Variants in PRPS1 observed in about 807,000 individuals in gnomAD.
PRPS1 encodes phosphoribosyl pyrophosphate synthetase 1.
In PRPS1, 1 loss-of-function variant was observed where a neutral mutation model predicts 16.9. That is an observed-to-expected ratio of 0.06 (90% CI 0.02 to 0.28). The LOEUF is 0.28. Ranked by LOEUF, PRPS1 falls within the 10% of genes least tolerant of loss-of-function variation. The pLI is 1.00. For missense variants in PRPS1, 47 were observed against 254.0 expected (o/e 0.19, Z 5.54); for synonymous variants, 70 against 90.2 (o/e 0.78, Z 1.27).
At chrX:107,635,998 C>T (rs1216736666) in intron 1 of PRPS1, among the ~76,000 whole-genome samples, 12 of 95,872 alleles carry the variant, frequency 1.3e-4, no homozygotes, top group Non-Finnish European at 1.8e-4. Flanking sequence ...AGGTGGAGGT[C>T]GCAGTGAGCC....
chrX:107,634,388 AT>A (rs1293955825), intron 1 of PRPS1, among the ~76,000 whole-genome samples: 251 of 93,136 alleles, frequency 2.7e-3, no homozygotes, highest in Middle Eastern at 5.1e-3. Context: ...CTAATGGCTA[AT>A]TTTTTTTTTT....
intron 1 of PRPS1, among the ~76,000 whole-genome samples, chrX:107,638,082 G>T (rs1925482014): frequency 9.2e-6 from 1 of 109,281 alleles, no homozygotes; most frequent in Non-Finnish European, 1.9e-5. Context: ...GGGACTACAG[G>T]TACCTGCCAC....
intron 6 of PRPS1, 77 bp downstream of exon 6, chrX:107,647,842 G>A: frequency 9.5e-7 from 1 of 1,047,305 alleles, no homozygotes; most frequent in Non-Finnish European, 1.3e-6. Context: ...TTAGGTCTCT[G>A]GATTCTGAAG....
In PRPS1 at chrX:107,648,150, C is replaced by G. The variant is rs186810161; in HGVS notation, c.864+385C>G. On this transcript the variant is annotated intron_variant, in intron 6 of 6. Transcript: ENST00000372435. ...GGCCCCTGTAGATATAATGTGAAAC[C>G]TTTAAACTGATTGTACACTTCTACC... 3.6e-5 allele frequency among the ~76,000 whole-genome samples: 4 copies of G among 111,699 alleles called. No individual in the cohort carries two copies. In the East Asian group the frequency reaches 1.1e-3, roughly 31 times the overall value.
chrX:107,641,758 A>C (rs1200796924), intron 3 of PRPS1, among the ~76,000 whole-genome samples: 1 of 112,269 alleles, frequency 8.9e-6, no homozygotes, highest in Non-Finnish European at 1.9e-5. Flanking sequence ...TATTTTTTCA[A>C]AGAGATTTTT....
At chrX:107,634,827 AG>A (rs1342220404) in intron 1 of PRPS1, among the ~76,000 whole-genome samples, 3 of 101,115 alleles carry the variant, frequency 3.0e-5, no homozygotes, top group Admixed American at 1.1e-4. Flanking sequence ...ATAATGATAA[AG>A]TTTTTTGTTT....
At chrX:107,635,541 C>T (rs1405233652) in intron 1 of PRPS1, among the ~76,000 whole-genome samples, 1 of 109,292 alleles carries the variant, frequency 9.1e-6, no homozygotes, top group East Asian at 2.9e-4. Flanking sequence ...AAGCAATCCT[C>T]CCACCTCAGT....
intron 4 of PRPS1, among the ~76,000 whole-genome samples, chrX:107,644,214 T>C (rs183847951): frequency 2.7e-5 from 3 of 112,544 alleles, no homozygotes; most frequent in African/African-American, 9.7e-5. Context: ...TTCTCTTTGA[T>C]TGGAAGATAC....
At chrX:107,641,899 A>C (rs1281312135) in intron 3 of PRPS1, among the ~76,000 whole-genome samples, 4 of 112,473 alleles carry the variant, frequency 3.6e-5, no homozygotes, top group Non-Finnish European at 5.6e-5. Context: ...TAGAACACAG[A>C]TCTCCTGATT....
At chrX:107,639,505 C>T in intron 2 of PRPS1, 27 bp downstream of exon 2, 3 of 1,195,346 alleles carry the variant, frequency 2.5e-6, no homozygotes, top group Non-Finnish European at 3.4e-6. Flanking sequence ...ATTTTTTGAG[C>T]AGAGGAAGCA....
rs1925420097 is a variant in PRPS1, at chrX:107,635,757, G to A, written c.123-3538G>A. Among the ~76,000 whole-genome samples the A allele has an allele frequency of 2.7e-5, 3 of 110,537 alleles. No individual in the cohort carries two copies. In the Admixed American group the frequency reaches 2.9e-4, roughly 11 times the overall value. On this transcript the variant is annotated intron_variant, in intron 1 of 6. Transcript: ENST00000372435. ...AGCTTGAAATCTCTCGAAGGGCAGA[G>A]CTAGTAGTAAAGAAAGATCTGGGCC...
rs747701318 is a variant in PRPS1 at position 107,628,806 on chromosome X, A to G, written c.122+56A>G. On this transcript the variant is annotated intron_variant, in intron 1 of 6. Transcript: ENST00000372435. ...CTCACCTGCCCAGGCGGCAGAGTAT[A>G]GGAGGGATGGGGTCGCCGCTTGAGC... 2.5e-6 allele frequency: 3 copies of G among 1,204,863 alleles called. No individual in the cohort carries two copies. In the Admixed American group the frequency reaches 6.6e-5, roughly 27 times the overall value.
Position 107,628,763 on chromosome X carries a change from T to C in PRPS1, c.122+13T>C, listed in dbSNP as rs750791916. ...ACCAGGAGACCTGGTAAGGACCAAG[T>C]TGGGACCCTGACTAGACCTCACCTG... On this transcript the variant is annotated intron_variant, in intron 1 of 6. Coordinates refer to ENST00000372435, the MANE Select transcript of PRPS1 (RefSeq NM_002764.4). 6 of 1,211,101 alleles carry C rather than the reference T, an allele frequency of 5.0e-6. No individual in the cohort carries two copies. Among genetic ancestry groups the C allele is most frequent in the South Asian group, 1.8e-5 (1 of 56,927 alleles).
intron 1 of PRPS1, among the ~76,000 whole-genome samples, chrX:107,630,428 G>T (rs1236939932): frequency 8.9e-6 from 1 of 111,826 alleles, no homozygotes; most frequent in Non-Finnish European, 1.9e-5. Context: ...GAGAGGAGAG[G>T]GGGAGGACAA....
chrX:107,645,843 T>C (rs1345940655), intron 5 of PRPS1, among the ~76,000 whole-genome samples: 3 of 111,454 alleles, frequency 2.7e-5, no homozygotes, highest in Non-Finnish European at 5.6e-5. Flanking sequence ...TCATTATTAC[T>C]TCTTTTTTTC....
intron 2 of PRPS1, 90 bp from the exon 3 acceptor site, chrX:107,640,812 G>A (rs903223216): frequency 9.8e-7 from 1 of 1,018,360 alleles, no homozygotes. Context: ...CTTTAACATA[G>A]TAGGTACACA....
intron 6 of PRPS1, among the ~76,000 whole-genome samples, chrX:107,648,535 C>T (rs1314214259): frequency 9.3e-6 from 1 of 107,762 alleles, no homozygotes; most frequent in Non-Finnish European, 1.9e-5. Flanking sequence ...CATCCTGTCT[C>T]AGCCTCCCAA....
intron 1 of PRPS1, chrX:107,636,472 A>T (rs931026940): frequency 8.9e-6 from 1 of 112,707 alleles, no homozygotes; most frequent in Non-Finnish European, 1.9e-5. Context: ...TCTGGCTGCC[A>T]GGAATCTCAG....
chrX:107,629,203 A>G lies in PRPS1; in HGVS notation c.122+453A>G, dbSNP rs142874509. ...CTGGTCTTTCTTTTCCTAGAGTCCAATAAGCAGCTTTTTGATTCGAAATGG... is the reference window on the plus strand; with the variant it reads ...CTGGTCTTTCTTTTCCTAGAGTCCAGTAAGCAGCTTTTTGATTCGAAATGG... On this transcript the variant is annotated intron_variant, in intron 1 of 6. Transcript: ENST00000372435. Among the ~76,000 whole-genome samples the G allele has an allele frequency of 9.1e-3, 1,014 of 111,634 alleles. 10 individuals are homozygous for G. Among genetic ancestry groups the G allele is most frequent in the Non-Finnish European group, 0.015 (773 of 53,142 alleles).
Sources: allele counts gnomAD v4.1 joint callset (sites outside exome capture counted in the v4.1 genomes callset), GRCh38; gene constraint gnomAD v4.1.1; transcripts MANE v1.5; gene names NCBI Gene and HGNC (gene_info 2026-07-23, HGNC 2026-07-21).